Variants in NR2F1-AS1 observed in about 807,000 individuals in gnomAD.
NR2F1-AS1 encodes NR2F1 antisense RNA 1.
chr5:93,540,505 G>T (rs1309474223), intron 4 of NR2F1-AS1, among the ~76,000 whole-genome samples: 1 of 152,122 alleles, frequency 6.6e-6, no homozygotes, highest in Non-Finnish European at 1.5e-5. Context: ...AATCTTATCT[G>T]CTTGCCAGCA....
Position 93,461,705 on chromosome 5 carries a change from A to C in NR2F1-AS1, n.639-66163T>G, listed in dbSNP as rs140649087. Among the ~76,000 whole-genome samples, 239 of 152,288 alleles carry C rather than the reference A, an allele frequency of 1.6e-3. 1 individual carries two copies. The highest frequency in any genetic ancestry group is 5.4e-3 in the African/African-American group (223 of 41,568). Reference sequence around the variant, plus strand: ...TTTTATTTTATTTATTTTTTAGATTAATTATGCCAAATAAATATTGGATTT... The same window carrying C: ...TTTTATTTTATTTATTTTTTAGATTCATTATGCCAAATAAATATTGGATTT... On this transcript the variant is annotated intron_variant and non_coding_transcript_variant, in intron 4 of 5. Transcript: ENST00000660523.
chr5:93,564,462 C>T (rs1241389003), intron 1 of NR2F1-AS1, among the ~76,000 whole-genome samples: 1 of 152,020 alleles, frequency 6.6e-6, no homozygotes, highest in Non-Finnish European at 1.5e-5. Flanking sequence ...AGAGTAAAAA[C>T]CTGAAAGGGA....
chr5:93,545,088 G>A (rs114052680), intron 4 of NR2F1-AS1, among the ~76,000 whole-genome samples: 1 of 152,118 alleles, frequency 6.6e-6, no homozygotes, highest in African/African-American at 2.4e-5. Flanking sequence ...CTTAGTAGGA[G>A]CAGTGTGAGG....
At chr5:93,513,838 G>A (rs140309841) in intron 4 of NR2F1-AS1, among the ~76,000 whole-genome samples, 3,362 of 152,050 alleles carry the variant, frequency 0.022, 58 homozygotes, top group Non-Finnish European at 0.036. Context: ...ATGTCTCCTG[G>A]AATTAATTAG....
chr5:93,481,005 A>G (rs1750588575), intron 4 of NR2F1-AS1, among the ~76,000 whole-genome samples: 1 of 152,118 alleles, frequency 6.6e-6, no homozygotes. Flanking sequence ...AATGGCAAAA[A>G]TAAGTTCTTC....
intron 4 of NR2F1-AS1, among the ~76,000 whole-genome samples, chr5:93,441,853 C>T (rs1014063732): frequency 2.0e-5 from 3 of 152,098 alleles, no homozygotes; most frequent in African/African-American, 4.8e-5. Context: ...TAAGATTCTC[C>T]CTAAGAAGTT....
At position 93,520,643 on chromosome 5, in the gene NR2F1-AS1, C is replaced by T. The variant is rs941490011; in HGVS notation, n.638+33118G>A. ...TGGCCTGTTCTCAAGTAGATTTGTACCAGATATGGTAGAGACTCTAATGAA... is the reference window on the plus strand; with the variant it reads ...TGGCCTGTTCTCAAGTAGATTTGTATCAGATATGGTAGAGACTCTAATGAA... On this transcript the variant is annotated intron_variant and non_coding_transcript_variant, in intron 4 of 5. Coordinates refer to ENST00000660523, the Ensembl canonical transcript of NR2F1-AS1. 1.8e-4 allele frequency among the ~76,000 whole-genome samples: 27 copies of T among 152,074 alleles called. 1 individual carries two copies. Among genetic ancestry groups the T allele is most frequent in the African/African-American group, 6.5e-4 (27 of 41,474 alleles).
intron 4 of NR2F1-AS1, among the ~76,000 whole-genome samples, chr5:93,499,581 T>A (rs1751036214): frequency 6.6e-6 from 1 of 152,082 alleles, no homozygotes. Flanking sequence ...CAACCAGCAG[T>A]TCCTCTATCT....
At chr5:93,496,507 T>C (rs1180130052) in intron 4 of NR2F1-AS1, among the ~76,000 whole-genome samples, 1 of 152,202 alleles carries the variant, frequency 6.6e-6, no homozygotes, top group East Asian at 1.9e-4. Context: ...CCATGTCTTC[T>C]TACCTTGGAT....
intron 4 of NR2F1-AS1, chr5:93,411,380 G>C (rs911567395): frequency 6.6e-6 from 1 of 152,324 alleles, no homozygotes; most frequent in Admixed American, 6.5e-5. Flanking sequence ...TTAATGTCTT[G>C]ATTTGTTTCC....
intron 4 of NR2F1-AS1, among the ~76,000 whole-genome samples, chr5:93,446,617 G>T (rs1030984777): frequency 6.6e-6 from 1 of 152,130 alleles, no homozygotes; most frequent in Non-Finnish European, 1.5e-5. Flanking sequence ...CGTGAAAATG[G>T]CCATACTGCC....
At chr5:93,416,711 G>A (rs766913870) in intron 4 of NR2F1-AS1, among the ~76,000 whole-genome samples, 11 of 152,094 alleles carry the variant, frequency 7.2e-5, no homozygotes, top group Admixed American at 3.3e-4. Context: ...GCTACTAAGC[G>A]GTCGAACTCC....
intron 4 of NR2F1-AS1, among the ~76,000 whole-genome samples, chr5:93,443,489 A>T (rs543889673): frequency 6.6e-6 from 1 of 152,290 alleles, no homozygotes; most frequent in Admixed American, 6.5e-5. Context: ...TGAGAAGAGA[A>T]GTTTAGAGAA....
intron 2 of NR2F1-AS1, among the ~76,000 whole-genome samples, chr5:93,555,675 A>G (rs1752338191): frequency 6.6e-6 from 1 of 152,222 alleles, no homozygotes; most frequent in African/African-American, 2.4e-5. Flanking sequence ...ACCTAATGGT[A>G]TATGGAGTTA....
At chr5:93,581,735 C>G (rs866624262), upstream of NR2F1-AS1, among the ~76,000 whole-genome samples, 1 of 26,778 alleles carries the variant, frequency 3.7e-5, no homozygotes, top group Admixed American at 3.7e-4. Context: ...TCTCTCTCTC[C>G]CCCTCTCCCT....
chr5:93,544,249 A>AT (rs1752024366), intron 4 of NR2F1-AS1, among the ~76,000 whole-genome samples: 1 of 152,234 alleles, frequency 6.6e-6, no homozygotes, highest in African/African-American at 2.4e-5. Context: ...GTGAAAACTA[A>AT]TTTTCACAAT....
chr5:93,531,191 T>G (rs1334793370), intron 4 of NR2F1-AS1, among the ~76,000 whole-genome samples: 1 of 152,180 alleles, frequency 6.6e-6, no homozygotes, highest in Admixed American at 6.5e-5. Context: ...AGGAAAATAA[T>G]GGCAAATGAT....
upstream of NR2F1-AS1, among the ~76,000 whole-genome samples, chr5:93,582,309 T>G (rs1753120383): frequency 6.6e-6 from 1 of 151,594 alleles, no homozygotes; most frequent in Non-Finnish European, 1.5e-5. Context: ...ATTGGATTGA[T>G]TGGAAAGTTT....
chr5:93,507,871 C>A (rs1037447571), intron 4 of NR2F1-AS1, among the ~76,000 whole-genome samples: 3 of 151,964 alleles, frequency 2.0e-5, no homozygotes, highest in Non-Finnish European at 4.4e-5. Context: ...ACATCTCATT[C>A]CAATAGAAAC....
Sources: allele counts gnomAD v4.1 joint callset (sites outside exome capture counted in the v4.1 genomes callset), GRCh38; gene constraint gnomAD v4.1.1; transcripts MANE v1.5; gene names NCBI Gene and HGNC (gene_info 2026-07-23, HGNC 2026-07-21).